BSDC1: variants seen among roughly 807,000 people sequenced by gnomAD.
BSDC1 encodes BSD domain containing 1, also known as BSD domain-containing protein 1.
In BSDC1, 29 loss-of-function variants were observed where a neutral mutation model predicts 56.0. The observed-to-expected ratio is 0.52, with a 90% confidence interval of 0.39 to 0.71. The LOEUF (loss-of-function observed/expected upper bound fraction) is 0.71. Ranked by LOEUF, BSDC1 falls within the 30% of genes least tolerant of loss-of-function variation. BSDC1 has a pLI of 0.00. For missense variants in BSDC1, 477 were observed against 548.5 expected, an observed-to-expected ratio of 0.87 and a Z score of 1.30; for synonymous variants, 210 against 215.3, an observed-to-expected ratio of 0.98 and a Z score of 0.21.
At chr1:32,377,897 CAG>C (rs1207204927) in intron 8 of BSDC1, 71 bp downstream of exon 8, 19 of 1,444,964 alleles carry the variant, frequency 1.3e-5, no homozygotes, top group African/African-American at 2.8e-5. Context: ...CTCCAGGCTT[CAG>C]AGAGCATGGC....
chr1:32,386,855 T>G lies in BSDC1; in HGVS notation c.113A>C (p.Glu38Ala). The change falls in exon 3 of 11, where the codon GAG (glutamate) becomes GCG (alanine). Residue 38 changes from glutamate (E) to alanine (A), a missense_variant. By Grantham distance (107) the Glu-to-Ala change is moderately radical (BLOSUM62 -1). Coordinates refer to ENST00000455895, the MANE Select transcript of BSDC1 (RefSeq NM_018045.8). The part of the protein sequence containing the change: ...ALEFMKRDLT[E>A]FTQVVQHDTA... The stretch of plus-strand genomic sequence containing the variant: ...GTCATGCTGCACCACCTGGGTAAAC[T>G]CCGTCAGGTCCCGCTTCATAAACTC... The G allele has an allele frequency of 6.2e-7, 1 of 1,612,264 alleles. No individual in the cohort carries two copies. Among genetic ancestry groups the G allele is most frequent in the Non-Finnish European group, 8.5e-7 (1 of 1,180,028 alleles).
Position 32,376,362 on chromosome 1 carries a change from G to C in BSDC1, c.1056C>G (p.Ala352=). The C allele has an allele frequency of 6.2e-7, 1 of 1,613,428 alleles. No individual in the cohort carries two copies. Among genetic ancestry groups the C allele is most frequent in the East Asian group, 2.2e-5 (1 of 44,862 alleles). ...HTGGPEPRPP[A]RVETLREEAP... ...CCTCCTCCCTCAGAGTCTCTACTCTGGCTGGAGGCCTGGGCTCTGGGCCGC... is the reference window on the plus strand; with the variant it reads ...CCTCCTCCCTCAGAGTCTCTACTCTCGCTGGAGGCCTGGGCTCTGGGCCGC... Residue 352 remains alanine, a synonymous_variant, in exon 9 of 11, where the codon GCC becomes GCG. Transcript: ENST00000455895.
chr1:32,371,664 G>A (rs531489694), intron 9 of BSDC1, among the ~76,000 whole-genome samples: 2 of 151,738 alleles, frequency 1.3e-5, no homozygotes, highest in Admixed American at 6.6e-5. Context: ...ATCCTCCAAC[G>A]GCATGACCAG....
intron 9 of BSDC1, among the ~76,000 whole-genome samples, chr1:32,372,508 C>A (rs1206826521): frequency 6.6e-6 from 1 of 152,180 alleles, no homozygotes; most frequent in Non-Finnish European, 1.5e-5. Context: ...ACATCTAGCT[C>A]TTGGGTGGGT....
rs533098082 is a variant in BSDC1 at position 32,365,113 on chromosome 1, G to C, written c.*1509C>G. 18 of 152,288 alleles carry C rather than the reference G, an allele frequency of 1.2e-4. No individual in the cohort carries two copies. The highest frequency in any genetic ancestry group is 2.6e-4 in the Admixed American group (4 of 15,302). The allele number at this position is 152,288 out of a possible 1,614,324, so 9.4% of individuals were successfully genotyped here. On this transcript the variant is annotated 3_prime_UTR_variant, in exon 11 of 11. Transcript: ENST00000455895. ...AGACCCCCAGACACCTTTCAGCTTC[G>C]GGTGAATCACTTTAATGCTGTTAAC...
At chr1:32,379,937 G>C (rs892989889) in intron 5 of BSDC1, among the ~76,000 whole-genome samples, 1 of 152,152 alleles carries the variant, frequency 6.6e-6, no homozygotes, top group African/African-American at 2.4e-5. Context: ...TGCAAACTCT[G>C]ATCACCCCAG....
Position 32,378,827 on chromosome 1 carries a change from A to C in BSDC1, c.425T>G (p.Leu142Trp). Residue 142 changes from leucine to tryptophan, a missense_variant, in exon 6 of 11, where the codon TTG becomes TGG. By Grantham distance (61) the Leu-to-Trp change is moderately conservative (BLOSUM62 -2). Transcript: ENST00000455895. The surrounding 1 kb of genome is among the most constrained non-coding windows in gnomAD (Gnocchi z 5.2). ...GAACTGGGAAAGCCAGGCGTCAAAC[A>C]ATTCCGGGGGCCCTGCAGAGGGACA... Reference protein sequence around the residue: ...YCNEPDGPPELFDAWLSQFCL... With the variant: ...YCNEPDGPPEWFDAWLSQFCL... 1 of 1,521,328 alleles carries C rather than the reference A, an allele frequency of 6.6e-7. No homozygotes were observed. Among genetic ancestry groups the C allele is most frequent in the Non-Finnish European group, 8.8e-7 (1 of 1,132,882 alleles). The allele number at this position is 1,521,328 out of a possible 1,614,324, so 94.2% of individuals were successfully genotyped here.
rs1184037591 is a variant in BSDC1, at chr1:32,378,353, C to A, written c.529-70G>T. ...GTGGGGTCTGTGTCCCCAGCCTTAT[C>A]AGTCTATTCCCAGCCAGTCTGGATT... On this transcript the variant is annotated intron_variant, in intron 6 of 10. Coordinates refer to ENST00000455895, the MANE Select transcript of BSDC1 (RefSeq NM_018045.8). The surrounding 1 kb of genome is among the most constrained non-coding windows in gnomAD (Gnocchi z 5.2). The A allele has an allele frequency of 1.0e-5, 15 of 1,462,174 alleles. No homozygotes were observed. The South Asian group carries it at 1.0e-4, about 10-fold the overall frequency. The allele number at this position is 1,462,174 out of a possible 1,614,324, so 90.6% of individuals were successfully genotyped here. A position where few individuals can be genotyped will look rare whatever the true frequency, so the allele number is the denominator to read the frequency against.
chr1:32,367,209 C>T, intron 10 of BSDC1: 1 of 985,578 alleles, frequency 1.0e-6, no homozygotes, highest in Non-Finnish European at 1.2e-6. Context: ...CAGCTCAAGT[C>T]TCCCCACGGA....
In BSDC1 at chr1:32,376,325, A is replaced by T. The variant is rs532220214; in HGVS notation, c.1093T>A (p.Leu365Ile). 6.2e-6 allele frequency: 10 copies of T among 1,601,932 alleles called. No individual in the cohort carries two copies. The Admixed American group carries it at 1.7e-4, about 27-fold the overall frequency. ...ETLREEAPTD[L>I]RVFELNSDSG... ...TCCGAGTTCAGCTCAAACACCCGTA[A>T]GTCTGTGGGCGCCTCCTCCCTCAGA... Residue 365 changes from leucine (L) to isoleucine (I), a missense_variant, in exon 9 of 11, where the codon TTA becomes ATA. By Grantham distance (5) the Leu-to-Ile change is conservative (BLOSUM62 2). Transcript: ENST00000455895.
In BSDC1 at chr1:32,376,428, G is replaced by C. The variant is rs757449292; in HGVS notation, c.990C>G (p.Pro330=). The C allele has an allele frequency of 1.2e-6, 2 of 1,613,608 alleles. No homozygotes were observed. The highest frequency in any genetic ancestry group is 3.3e-5 in the Admixed American group (2 of 60,002). Residue 330 remains proline, a synonymous_variant, in exon 9 of 11, where the codon CCC becomes CCG. Coordinates refer to ENST00000455895, the MANE Select transcript of BSDC1 (RefSeq NM_018045.8). The part of the protein sequence containing the change: ...AVDVGETGPS[P]PIHSKPLTPA... ...GCGTTAGGGGCTTGGAGTGAATAGG[G>C]GGTGAGGGTCCAGTCTCACCCACAT...
At chr1:32,380,569 C>T (rs1642445883) in intron 5 of BSDC1, among the ~76,000 whole-genome samples, 1 of 152,118 alleles carries the variant, frequency 6.6e-6, no homozygotes, top group Admixed American at 6.5e-5. Flanking sequence ...TTGCTAGAAC[C>T]CGGGAGGCGG....
At chr1:32,387,056 G>C (rs1363101330) in intron 2 of BSDC1, among the ~76,000 whole-genome samples, 161 bp from the exon 3 acceptor site, 5 of 152,192 alleles carry the variant, frequency 3.3e-5, no homozygotes, top group Admixed American at 3.3e-4. Flanking sequence ...CCATGATCTG[G>C]GATTACCTGA....
intron 2 of BSDC1, among the ~76,000 whole-genome samples, chr1:32,389,031 T>G (rs1179913971): frequency 6.6e-6 from 1 of 151,410 alleles, no homozygotes; most frequent in Non-Finnish European, 1.5e-5. Flanking sequence ...CTCTGCTCAC[T>G]GCAACCTCTG....
intron 10 of BSDC1, 119 bp downstream of exon 10, chr1:32,368,328 A>G (rs561963433): frequency 1.2e-6 from 2 of 1,612,362 alleles, no homozygotes; most frequent in East Asian, 4.5e-5. Flanking sequence ...CTTTCCCACC[A>G]CCTGTCACCT....
At position 32,378,956 on chromosome 1, in the gene BSDC1, C is replaced by T; in HGVS notation, c.413-117G>A. On this transcript the variant is annotated intron_variant, in intron 5 of 10. Coordinates refer to ENST00000455895, the MANE Select transcript of BSDC1 (RefSeq NM_018045.8). The surrounding 1 kb of genome is among the most constrained non-coding windows in gnomAD (Gnocchi z 5.2). ...TGAAGAAAGCTTGTGTATTCAAAGC[C>T]ACTTAGCCAAGGGTAGGGGGTCAGG... 1.4e-6 allele frequency: 1 copy of T among 690,450 alleles called. No homozygotes were observed. Among genetic ancestry groups the T allele is most frequent in the Admixed American group, 4.1e-5 (1 of 24,634 alleles). 42.8% of individuals were successfully genotyped at this position (690,450 alleles called of 1,614,324 possible).
At chr1:32,391,768 A>G (rs1423415139) in intron 2 of BSDC1, among the ~76,000 whole-genome samples, 1 of 152,170 alleles carries the variant, frequency 6.6e-6, no homozygotes, top group Non-Finnish European at 1.5e-5. Context: ...GTCCAGATGG[A>G]GCCAGAATGG....
At chr1:32,387,258 C>T (rs961634260) in intron 2 of BSDC1, among the ~76,000 whole-genome samples, 3 of 152,006 alleles carry the variant, frequency 2.0e-5, no homozygotes, top group African/African-American at 4.8e-5. Flanking sequence ...GAAAACAATA[C>T]TGACTTTGAT....
At chr1:32,390,358 C>A (rs1557657670) in intron 2 of BSDC1, among the ~76,000 whole-genome samples, 1 of 152,156 alleles carries the variant, frequency 6.6e-6, no homozygotes, top group Non-Finnish European at 1.5e-5. Flanking sequence ...GAGGATGAGA[C>A]TGGTTCAAGA....
Sources: gnomAD v4.1 joint callset for allele counts (sites outside exome capture counted in the v4.1 genomes callset) on GRCh38, gnomAD v4.1.1 for gene constraint, Gnocchi (gnomAD v3.1) non-coding constraint, MANE v1.5 for transcripts, NCBI Gene and HGNC (gene_info 2026-07-23, HGNC 2026-07-21) for gene names.